Variants in CACNB2 observed in about 807,000 individuals in gnomAD.
CACNB2 encodes calcium voltage-gated channel auxiliary subunit beta 2.
CACNB2 carries 42 observed loss-of-function variants against 73.3 expected under a neutral mutation model. The ratio of observed to expected loss-of-function variants is 0.57; its 90% confidence interval spans 0.45 to 0.74. The LOEUF (loss-of-function observed/expected upper bound fraction) is 0.74, where lower values mean the gene tolerates loss of function less well. CACNB2 is among the 30% of genes least tolerant of loss of function. The pLI is 0.00. For missense variants in CACNB2, 940 were observed against 853.0 expected (o/e 1.10, Z -1.27); for synonymous variants, 348 against 310.3 (o/e 1.12, Z -1.28).
At chr10:18,227,100 A>G (rs564861764) in intron 2 of CACNB2, among the ~76,000 whole-genome samples, 39 of 152,238 alleles carry the variant, frequency 2.6e-4, no homozygotes, top group African/African-American at 8.2e-4. Flanking sequence ...ATAAAACAAC[A>G]CGTTTTCTGA....
intron 3 of CACNB2, among the ~76,000 whole-genome samples, chr10:18,459,169 A>C (rs960847662): frequency 1.3e-5 from 2 of 152,156 alleles, no homozygotes; most frequent in African/African-American, 4.8e-5. Flanking sequence ...AAAAACATAC[A>C]GTTTTGGCTT....
intron 2 of CACNB2, among the ~76,000 whole-genome samples, chr10:18,231,759 C>T (rs12266897): frequency 0.047 from 7,158 of 152,276 alleles, 597 homozygotes; most frequent in African/African-American, 0.16. Flanking sequence ...TTCTTGTTTG[C>T]TCCCTGAGTC....
At chr10:18,241,014 C>T (rs575319087) in intron 2 of CACNB2, among the ~76,000 whole-genome samples, 13 of 152,290 alleles carry the variant, frequency 8.5e-5, no homozygotes, top group Middle Eastern at 3.4e-3. Flanking sequence ...CACGGTTATC[C>T]CTCTGCTCAG....
At chr10:18,225,242 A>G (rs550152459) in intron 2 of CACNB2, among the ~76,000 whole-genome samples, 1 of 151,942 alleles carries the variant, frequency 6.6e-6, no homozygotes, top group East Asian at 1.9e-4. Context: ...CTGGCAGAGG[A>G]TGGGGGATGG....
intron 3 of CACNB2, among the ~76,000 whole-genome samples, chr10:18,470,044 A>G (rs558865376): frequency 3.2e-4 from 49 of 152,264 alleles, no homozygotes; most frequent in Non-Finnish European, 5.3e-4. Context: ...GTTAATATCT[A>G]TGAAAATTAA....
chr10:18,157,999 T>G (rs1350118604), intron 2 of CACNB2, among the ~76,000 whole-genome samples: 1 of 152,180 alleles, frequency 6.6e-6, no homozygotes, highest in Non-Finnish European at 1.5e-5. Context: ...TTTGGCATCC[T>G]CCAGCACTCT....
intron 3 of CACNB2, among the ~76,000 whole-genome samples, chr10:18,415,204 C>T (rs1179232591): frequency 6.6e-6 from 1 of 152,084 alleles, no homozygotes; most frequent in Non-Finnish European, 1.5e-5. Context: ...GTGGCTCATG[C>T]CTGTAATCTC....
At chr10:18,536,470 C>A (rs780936523) in intron 12 of CACNB2, among the ~76,000 whole-genome samples, 2 of 151,686 alleles carry the variant, frequency 1.3e-5, no homozygotes, top group Non-Finnish European at 2.9e-5. Flanking sequence ...CTATGTTGCC[C>A]AGGCTGGTCT....
chr10:18,399,322 C>G (rs2043871855), intron 2 of CACNB2, among the ~76,000 whole-genome samples: 1 of 152,178 alleles, frequency 6.6e-6, no homozygotes, highest in African/African-American at 2.4e-5. Flanking sequence ...TGTAAATTTG[C>G]TTGAACGAAG....
At chr10:18,290,342 T>G (rs2039015023) in intron 2 of CACNB2, among the ~76,000 whole-genome samples, 1 of 151,860 alleles carries the variant, frequency 6.6e-6, no homozygotes. Flanking sequence ...TTCTTTAAAG[T>G]GTTTATGTTA....
intron 12 of CACNB2, 82 bp downstream of exon 12, chr10:18,536,278 G>C (rs61839359): frequency 2.4e-6 from 1 of 414,812 alleles, no homozygotes; most frequent in African/African-American, 6.6e-5. Context: ...TTTTTTGGGG[G>C]ACAAGGTCTT....
At chr10:18,141,273 C>T (rs2030370106) in intron 1 of CACNB2, 1 of 1,365,546 alleles carries the variant, frequency 7.3e-7, no homozygotes, top group Non-Finnish European at 1.0e-6. Context: ...ACGATGCCGA[C>T]TCTCCTGGCC....
In CACNB2 at chr10:18,540,794, C is replaced by T. The variant is rs920482916; in HGVS notation, c.*1070C>T. 4.6e-5 allele frequency: 7 copies of T among 152,588 alleles called. No homozygotes were observed. The highest frequency in any genetic ancestry group is 2.1e-4 in the South Asian group (1 of 4,834). The allele number at this position is 152,588 out of a possible 1,614,324, so 9.5% of individuals were successfully genotyped here. A position where few individuals can be genotyped will look rare whatever the true frequency, so the allele number is the denominator to read the frequency against. On this transcript the variant is annotated 3_prime_UTR_variant, in exon 14 of 14. Transcript: ENST00000324631. ...GATGAATTGGAATGCTGAAGACTAA[C>T]GAAGAAACTAGAGACTGATATCGAG...
intron 2 of CACNB2, among the ~76,000 whole-genome samples, chr10:18,307,984 T>C (rs111904749): frequency 1.9e-5 from 1 of 53,994 alleles, no homozygotes; most frequent in African/African-American, 9.7e-5. Context: ...ATATGCCAAC[T>C]TTTTTTTTTT....
intron 2 of CACNB2, among the ~76,000 whole-genome samples, chr10:18,237,882 C>T (rs61012530): frequency 6.6e-6 from 1 of 152,214 alleles, no homozygotes; most frequent in Non-Finnish European, 1.5e-5. Context: ...TTAGCCCAGA[C>T]AGGGGATCTT....
intron 2 of CACNB2, among the ~76,000 whole-genome samples, chr10:18,330,403 C>T (rs1313344037): frequency 1.3e-5 from 2 of 152,072 alleles, no homozygotes; most frequent in African/African-American, 2.4e-5. Context: ...GTAATTCCAG[C>T]ACTTTGGGAG....
intron 3 of CACNB2, among the ~76,000 whole-genome samples, chr10:18,490,027 A>G (rs1447808676): frequency 6.6e-6 from 1 of 152,010 alleles, no homozygotes; most frequent in Non-Finnish European, 1.5e-5. Flanking sequence ...ACAGGTGCAC[A>G]CCACCACAGA....
chr10:18,383,486 A>G (rs947588738), intron 2 of CACNB2, among the ~76,000 whole-genome samples: 2 of 152,166 alleles, frequency 1.3e-5, no homozygotes, highest in Non-Finnish European at 2.9e-5. Context: ...TGTTATGTTC[A>G]TAGAGGTGTA....
chr10:18,226,446 A>G (rs1259181576), intron 2 of CACNB2, among the ~76,000 whole-genome samples: 1 of 152,118 alleles, frequency 6.6e-6, no homozygotes, highest in Admixed American at 6.6e-5. Flanking sequence ...TCCTTTTCCC[A>G]AATTACCCTA....
Sources: gnomAD v4.1 joint callset for allele counts (sites outside exome capture counted in the v4.1 genomes callset) on GRCh38, gnomAD v4.1.1 for gene constraint, MANE v1.5 for transcripts, NCBI Gene and HGNC (gene_info 2026-07-23, HGNC 2026-07-21) for gene names.